F10: variants seen among roughly 807,000 people sequenced by gnomAD.
F10 encodes Stuart-Prower factor.
Under a neutral mutation model 37.1 loss-of-function variants are expected in F10, and 29 were observed. That is an observed-to-expected ratio of 0.78 (90% CI 0.58 to 1.07). F10 has a LOEUF of 1.07. Ranked by LOEUF, F10 falls within the 50% of genes least tolerant of loss-of-function variation. The probability of loss-of-function intolerance (pLI) is 0.00; values close to 1 mark genes in which losing one functional copy is unlikely to be tolerated. For synonymous variants in F10, 262 were observed against 268.6 expected (o/e 0.98, Z 0.24); for missense variants, 539 against 667.9 (o/e 0.81, Z 2.13).
In F10 at chr13:113,149,097, C is replaced by G; in HGVS notation, c.1047C>G (p.Ala349=). 1 of 1,613,154 alleles carries G rather than the reference C, an allele frequency of 6.2e-7. No individual in the cohort carries two copies. The highest frequency in any genetic ancestry group is 8.5e-7 in the Non-Finnish European group (1 of 1,179,992). ...APACLPERDW[A]ESTLMTQKTG... Reference sequence around the variant, plus strand: ...CCTGCCTCCCCGAGCGTGACTGGGCCGAGTCCACGCTGATGACGCAGAAGA... The same window carrying G: ...CCTGCCTCCCCGAGCGTGACTGGGCGGAGTCCACGCTGATGACGCAGAAGA... Residue 349 remains alanine (A), a synonymous_variant, in exon 8 of 8, where the codon GCC becomes GCG. Transcript: ENST00000375559. This position sits in a 1 kb window ranked among gnomAD's most constrained non-coding sequence, Gnocchi z 7.5.
intron 2 of F10, 149 bp from the exon 3 acceptor site, chr13:113,138,308 T>G: frequency 2.3e-6 from 1 of 435,756 alleles, no homozygotes. Context: ...CCTCTTTAGA[T>G]TGAATAGTTC....
Position 113,129,562 on chromosome 13 carries a change from A to C in F10, c.181A>C (p.Thr61Pro), listed in dbSNP as rs2036407182. Residue 61 changes from threonine to proline, a missense_variant, in exon 2 of 8, where the codon ACC becomes CCC. Thr to Pro is a conservative substitution (Grantham distance 38). Coordinates refer to ENST00000375559, the MANE Select transcript of F10 (RefSeq NM_000504.4). ...CCTCGAAAGAGAGTGCATGGAAGAG[A>C]CCTGCTCATACGAAGAGGCCCGCGA... ...GHLERECMEE[T>P]CSYEEAREVF... 6.2e-7 allele frequency: 1 copy of C among 1,614,040 alleles called. No homozygotes were observed. Among genetic ancestry groups the C allele is most frequent in the Admixed American group, 1.7e-5 (1 of 59,994 alleles).
chr13:113,138,024 T>C (rs1044667230), intron 2 of F10, among the ~76,000 whole-genome samples: 12 of 152,212 alleles, frequency 7.9e-5, no homozygotes, highest in Non-Finnish European at 1.3e-4. Flanking sequence ...TCTAGGCTCT[T>C]GATGACCTGT....
In F10 at chr13:113,132,360, T is replaced by C. The variant is rs572924391; in HGVS notation, c.231+2748T>C. On this transcript the variant is annotated intron_variant, in intron 2 of 7. Coordinates refer to ENST00000375559, the MANE Select transcript of F10 (RefSeq NM_000504.4). ...CTTCTTTACTTATATATAGCTACCC[T>C]ATAGCTAAGCTATATTTTATTGTAT... Among the ~76,000 whole-genome samples the C allele has an allele frequency of 3.9e-5, 6 of 152,378 alleles. No individual in the cohort carries two copies. In the East Asian group the frequency reaches 1.2e-3, roughly 29 times the overall value.
At position 113,143,789 on chromosome 13, in the gene F10, C is replaced by A; in HGVS notation, c.503-62C>A. The A allele has an allele frequency of 6.2e-7, 1 of 1,601,988 alleles. No homozygotes were observed. On this transcript the variant is annotated intron_variant, in intron 5 of 7. Coordinates refer to ENST00000375559, the MANE Select transcript of F10 (RefSeq NM_000504.4). This position sits in a 1 kb window ranked among gnomAD's most constrained non-coding sequence, Gnocchi z 6.8. ...TCTGACTCTTCTCCCTCAGGGTGAG[C>A]TGTGCAGGCTATGGGGAGCCTCTCT...
Position 113,136,825 on chromosome 13 carries a change from TATTTTTAGTAGAGACGGG to T in F10, c.232-1631_232-1614del, listed in dbSNP as rs1235085952. 2.5e-3 allele frequency among the ~76,000 whole-genome samples: 103 copies of T among 41,856 alleles called. 41 individuals are homozygous for T. The highest frequency in any genetic ancestry group is 4.6e-3 in the South Asian group (4 of 876). 27.5% of individuals were successfully genotyped at this position (41,856 alleles called of 152,430 possible). On this transcript the variant is annotated intron_variant, in intron 2 of 7. Coordinates refer to ENST00000375559, the MANE Select transcript of F10 (RefSeq NM_000504.4). ...GCCACTACGCCCGGCTAATTTTTTG[TATTTTTAGTAGAGACGGG>T]GTTTCACCGTTTTAGCTGGGATGGT...
At chr13:113,142,384 A>AC (rs201835062) in intron 5 of F10, among the ~76,000 whole-genome samples, 1,058 of 67,020 alleles carry the variant, frequency 0.016, 11 homozygotes, top group Admixed American at 0.03. Flanking sequence ...TAGTAAAAAT[A>AC]CAAAAAAAAA....
In F10 at chr13:113,125,634, G is replaced by A. The variant is rs1057236098; in HGVS notation, c.70+2709G>A. ...TACTCACATCAGAAAGTGTGGCCAC[G>A]TGGCCCAGACCCGGCCTGCTCAGTC... On this transcript the variant is annotated intron_variant, in intron 1 of 7. Coordinates refer to ENST00000375559, the MANE Select transcript of F10 (RefSeq NM_000504.4). Among the ~76,000 whole-genome samples, 4 of 152,216 alleles carry A rather than the reference G, an allele frequency of 2.6e-5. No homozygotes were observed. The East Asian group carries it at 7.7e-4, about 29-fold the overall frequency.
At chr13:113,142,134 G>C (rs907702746) in intron 5 of F10, among the ~76,000 whole-genome samples, 2 of 152,218 alleles carry the variant, frequency 1.3e-5, no homozygotes, top group Non-Finnish European at 2.9e-5. Context: ...GGCTGACCTT[G>C]CTACTGGCAA....
At position 113,139,999 on chromosome 13, in the gene F10, AAGTT is replaced by A. The variant is rs578092270; in HGVS notation, c.370+532_370+535del. Among the ~76,000 whole-genome samples, 99 of 152,348 alleles carry A rather than the reference AAGTT, an allele frequency of 6.5e-4. No individual in the cohort carries two copies. Among genetic ancestry groups the A allele is most frequent in the South Asian group, 5.8e-3 (28 of 4,830 alleles). On this transcript the variant is annotated intron_variant, in intron 4 of 7. Coordinates refer to ENST00000375559, the MANE Select transcript of F10 (RefSeq NM_000504.4). The surrounding 1 kb of genome is among the most constrained non-coding windows in gnomAD (Gnocchi z 5.2). ...ATGTGGTGATTAAGTTTTAAATAAAAAGTTAGGCTACTGTTAGATCAATTTCCCT... is the reference window on the plus strand; with the variant it reads ...ATGTGGTGATTAAGTTTTAAATAAAAAGGCTACTGTTAGATCAATTTCCCT...
Position 113,144,235 on chromosome 13 carries a change from A to AGCCT in F10, c.747+150_747+153dup. On this transcript the variant is annotated intron_variant, in intron 6 of 7. Transcript: ENST00000375559. This position sits in a 1 kb window ranked among gnomAD's most constrained non-coding sequence, Gnocchi z 6.4. ...TAGGACAGAGGGGCTCCGCCACCCA[A>AGCCT]GCCTGCCTGCCTGTCCCCTCCCTCC... 3 of 1,325,664 alleles carry AGCCT rather than the reference A, an allele frequency of 2.3e-6. No homozygotes were observed. Among genetic ancestry groups the AGCCT allele is most frequent in the East Asian group, 2.5e-5 (1 of 40,340 alleles). 82.1% of individuals were successfully genotyped at this position (1,325,664 alleles called of 1,614,324 possible).
intron 2 of F10, chr13:113,130,846 A>C (rs1433935163): frequency 6.6e-6 from 1 of 152,246 alleles, no homozygotes; most frequent in Admixed American, 6.5e-5. Flanking sequence ...ATTATAAGTC[A>C]ATAAATAAAC....
At chr13:113,133,641 G>GAAC (rs1406609581) in intron 2 of F10, among the ~76,000 whole-genome samples, 16 of 152,090 alleles carry the variant, frequency 1.1e-4, no homozygotes, top group African/African-American at 3.9e-4. Context: ...AACTCTTCCA[G>GAAC]AACATAGAAG....
intron 3 of F10, 55 bp downstream of exon 3, chr13:113,138,536 A>G: frequency 8.9e-7 from 1 of 1,120,312 alleles, no homozygotes; most frequent in Non-Finnish European, 1.3e-6. Context: ...AGGATATTTG[A>G]ATTTTGAAAA....
At chr13:113,131,184 TACA>T (rs2036431057) in intron 2 of F10, 1 of 152,242 alleles carries the variant, frequency 6.6e-6, no homozygotes, top group Non-Finnish European at 1.5e-5. Flanking sequence ...CATCACCTGC[TACA>T]ACAAGCTGGA....
Position 113,139,379 on chromosome 13 carries a change from T to A in F10, c.279T>A (p.Ser93Arg), listed in dbSNP as rs1335826942. ...CAGATGGCGACCAGTGTGAGACCAG[T>A]CCTTGCCAGAACCAGGGCAAATGTA... is the stretch of plus-strand genomic sequence containing the variant. Reference protein sequence around the residue: ...KYKDGDQCETSPCQNQGKCKD... With the variant: ...KYKDGDQCETRPCQNQGKCKD... The change falls in exon 4 of 8, where the codon AGT becomes AGA. Residue 93 changes from serine (S) to arginine (R), a missense_variant. Physicochemically the swap from Ser to Arg is moderately radical, Grantham distance 110 (BLOSUM62 -1). This residue lies in a region of F10 where 130 missense variants were observed against 120.0 expected (regional missense o/e 1.08). Transcript: ENST00000375559. The surrounding 1 kb of genome is among the most constrained non-coding windows in gnomAD (Gnocchi z 5.2). 44 of 1,613,766 alleles carry A rather than the reference T, an allele frequency of 2.7e-5. No individual in the cohort carries two copies. The highest frequency in any genetic ancestry group is 3.3e-5 in the Non-Finnish European group (39 of 1,179,842).
chr13:113,149,502 C>T lies in F10; in HGVS notation c.1452C>T (p.Ser484=). 6.2e-7 allele frequency: 1 copy of T among 1,613,138 alleles called. No individual in the cohort carries two copies. Among genetic ancestry groups the T allele is most frequent in the Non-Finnish European group, 8.5e-7 (1 of 1,180,048 alleles). ...AKSHAPEVIT[S]SPLK ...GCCATGCCCCGGAGGTCATAACGTC[C>T]TCTCCATTAAAGTGAGATCCCACTC... The change falls in exon 8 of 8, where the codon TCC becomes TCT. Residue 484 remains serine (S), a synonymous_variant. Coordinates refer to ENST00000375559, the MANE Select transcript of F10 (RefSeq NM_000504.4). The surrounding 1 kb of genome is among the most constrained non-coding windows in gnomAD (Gnocchi z 7.5).
chr13:113,129,661 C>T (rs797019400), intron 2 of F10, 49 bp downstream of exon 2: 14 of 1,611,052 alleles, frequency 8.7e-6, no homozygotes, highest in Non-Finnish European at 1.2e-5. Context: ...CAGGCCACAG[C>T]GCCCTCGCTG....
At position 113,145,131 on chromosome 13, in the gene F10, C is replaced by T. The variant is rs562481245; in HGVS notation, c.747+1036C>T. 4.4e-3 allele frequency among the ~76,000 whole-genome samples: 665 copies of T among 152,334 alleles called. 2 individuals are homozygous for T. The highest frequency in any genetic ancestry group is 0.012 in the South Asian group (60 of 4,826). ...TCCTGACCTGGTGATCTGCCCACCT[C>T]AGCCTCCCAAAGTGCTGGGATTACA... On this transcript the variant is annotated intron_variant, in intron 6 of 7. Transcript: ENST00000375559.
Sources: gnomAD v4.1 joint callset for allele counts (sites outside exome capture counted in the v4.1 genomes callset) on GRCh38, gnomAD v4.1.1 for gene constraint, gnomAD v4.1.1 regional missense constraint, Gnocchi (gnomAD v3.1) non-coding constraint, MANE v1.5 for transcripts, NCBI Gene and HGNC (gene_info 2026-07-23, HGNC 2026-07-21) for gene names.